EIF5A2: variants seen among roughly 807,000 people sequenced by gnomAD.
The protein encoded by EIF5A2 is eukaryotic translation initiation factor 5A2, also known as eukaryotic translation initiation factor 5A-2.
EIF5A2 carries 15 observed loss-of-function variants against 16.4 expected under a neutral mutation model. That is an observed-to-expected ratio of 0.92 (90% CI 0.61 to 1.41). The LOEUF (loss-of-function observed/expected upper bound fraction) is 1.41, where lower values mean the gene tolerates loss of function less well. EIF5A2 is among the 40% of genes most tolerant of loss of function. The pLI is 0.00. For synonymous variants in EIF5A2, 48 were observed against 61.1 expected (o/e 0.79, Z 1.00); for missense variants, 144 against 189.5 (o/e 0.76, Z 1.41).
intron 3 of EIF5A2, among the ~76,000 whole-genome samples, chr3:170,898,544 T>G (rs913757266): frequency 1.3e-5 from 2 of 152,178 alleles, no homozygotes; most frequent in African/African-American, 4.8e-5. Context: ...AAACATGCCT[T>G]GCTTCCCTTT....
rs1243518278 is a variant in EIF5A2 at position 170,891,400 on chromosome 3, G to C, written c.*1960C>G. On this transcript the variant is annotated 3_prime_UTR_variant, in exon 5 of 5. Coordinates refer to ENST00000295822, the MANE Select transcript of EIF5A2 (RefSeq NM_020390.6). ...GCAAAAGCTAAAATGTTGTAGGAAA[G>C]ACGACTAACTACTACCTCACTATTT... is the stretch of plus-strand genomic sequence containing the variant. 1 of 152,616 alleles carries C rather than the reference G, an allele frequency of 6.6e-6. No homozygotes were observed. Among genetic ancestry groups the C allele is most frequent in the Non-Finnish European group, 1.5e-5 (1 of 68,016 alleles). The allele number at this position is 152,616 out of a possible 1,614,324, so 9.5% of individuals were successfully genotyped here.
chr3:170,901,729 A>G (rs897545846), intron 3 of EIF5A2, among the ~76,000 whole-genome samples: 2 of 152,138 alleles, frequency 1.3e-5, no homozygotes, highest in Non-Finnish European at 2.9e-5. Context: ...CGTGAGCCAC[A>G]GTGCCTGGAC....
chr3:170,907,402 T>C (rs1712965717), intron 2 of EIF5A2, among the ~76,000 whole-genome samples: 2 of 152,182 alleles, frequency 1.3e-5, no homozygotes, highest in Admixed American at 1.3e-4. Flanking sequence ...TAAATAGATC[T>C]TATAGGTCAC....
Position 170,893,015 on chromosome 3 carries a change from T to C in EIF5A2, c.*345A>G, listed in dbSNP as rs917098548. On this transcript the variant is annotated 3_prime_UTR_variant, in exon 5 of 5. Transcript: ENST00000295822. Reference sequence around the variant, plus strand: ...TACTTCAATACCACTTTATGCTACATTGTTTGATTTAAAACCCTGGTTTAT... The same window carrying C: ...TACTTCAATACCACTTTATGCTACACTGTTTGATTTAAAACCCTGGTTTAT... 4 of 421,456 alleles carry C rather than the reference T, an allele frequency of 9.5e-6. No homozygotes were observed. The highest frequency in any genetic ancestry group is 9.6e-5 in the South Asian group (1 of 10,438). 26.1% of individuals were successfully genotyped at this position (421,456 alleles called of 1,614,324 possible). A position where few individuals can be genotyped will look rare whatever the true frequency, so the allele number is the denominator to read the frequency against.
At chr3:170,907,572 A>G in intron 2 of EIF5A2, 70 bp downstream of exon 2, 1 of 1,425,384 alleles carries the variant, frequency 7.0e-7, no homozygotes, top group Non-Finnish European at 9.3e-7. Flanking sequence ...AAATCTCATG[A>G]TCTGTAACGG....
chr3:170,899,314 C>T (rs1712749649), intron 3 of EIF5A2, among the ~76,000 whole-genome samples: 1 of 152,160 alleles, frequency 6.6e-6, no homozygotes, highest in South Asian at 2.1e-4. Context: ...ACTGCAGCCT[C>T]AACCTCCAGG....
intron 3 of EIF5A2, among the ~76,000 whole-genome samples, 189 bp from the exon 4 acceptor site, chr3:170,894,612 C>T (rs1036261446): frequency 1.3e-5 from 2 of 151,982 alleles, no homozygotes; most frequent in Non-Finnish European, 2.9e-5. Context: ...TAAGTTTACT[C>T]CTCCCGGTAC....
rs769739793 is a variant in EIF5A2 at position 170,892,558 on chromosome 3, G to A, written c.*802C>T. The A allele has an allele frequency of 1.0e-5, 4 of 390,762 alleles. No individual in the cohort carries two copies. The highest frequency in any genetic ancestry group is 1.8e-5 in the Non-Finnish European group (4 of 221,762). The allele number at this position is 390,762 out of a possible 1,614,324, so 24.2% of individuals were successfully genotyped here. ...AGCAGATCACTCCCTTTAAACGTTG[G>A]GGGCAAAGTTAAAAGCAAAAACAAC... On this transcript the variant is annotated 3_prime_UTR_variant, in exon 5 of 5. Transcript: ENST00000295822.
rs1279655087 is a variant in EIF5A2 at position 170,888,774 on chromosome 3, AG to A, written c.*4585del. On this transcript the variant is annotated 3_prime_UTR_variant, in exon 5 of 5. Coordinates refer to ENST00000295822, the MANE Select transcript of EIF5A2 (RefSeq NM_020390.6). Reference sequence around the variant, plus strand: ...GGGGAGGAAGACAAAAGTACATAACAGTATAGAACTAGTCATTTTCATTATA... The same window carrying A: ...GGGGAGGAAGACAAAAGTACATAACATATAGAACTAGTCATTTTCATTATA... 1 of 152,562 alleles carries A rather than the reference AG, an allele frequency of 6.6e-6. No individual in the cohort carries two copies. The highest frequency in any genetic ancestry group is 1.5e-5 in the Non-Finnish European group (1 of 68,002). 9.5% of individuals were successfully genotyped at this position (152,562 alleles called of 1,614,324 possible).
intron 3 of EIF5A2, among the ~76,000 whole-genome samples, chr3:170,899,657 C>G (rs1181499619): frequency 6.6e-6 from 1 of 151,768 alleles, no homozygotes; most frequent in Non-Finnish European, 1.5e-5. Flanking sequence ...CTTTGATATG[C>G]TGACTAAGGT....
chr3:170,897,382 A>G (rs377755329), intron 3 of EIF5A2, among the ~76,000 whole-genome samples: 160 of 152,262 alleles, frequency 1.1e-3, no homozygotes, highest in African/African-American at 3.8e-3. Flanking sequence ...TCCCCTCCCA[A>G]CACAGGTCCA....
Position 170,907,015 on chromosome 3 carries a change from G to A in EIF5A2, c.244C>T (p.Pro82Ser). The change falls in exon 3 of 5, where the codon CCA (proline) becomes TCA (serine). Residue 82 changes from proline to serine, a missense_variant. Physicochemically the swap from Pro to Ser is moderately conservative, Grantham distance 74. Transcript: ENST00000295822. The stretch of plus-strand genomic sequence containing the variant: ...TGATAATCATTTCTCTTAATATTTG[G>A]AACATCCATGTTGTGAGTAGAAGGA... ...ICPSTHNMDV[P>S]NIKRNDYQLI... 1 of 1,607,606 alleles carries A rather than the reference G, an allele frequency of 6.2e-7. No homozygotes were observed. The highest frequency in any genetic ancestry group is 8.5e-7 in the Non-Finnish European group (1 of 1,176,634).
In EIF5A2 at chr3:170,894,279, T is replaced by C. The variant is rs201353886; in HGVS notation, c.402+13A>G. On this transcript the variant is annotated intron_variant, in intron 4 of 4. Transcript: ENST00000295822. ...AAATGGTTTTCAAAAATAATCCTTC[T>C]CTAAGTCTTTACCTGTACATCTTCA... 1.2e-6 allele frequency: 2 copies of C among 1,610,878 alleles called. No individual in the cohort carries two copies. The highest frequency in any genetic ancestry group is 1.3e-5 in the African/African-American group (1 of 74,978).
chr3:170,888,526 G>A lies in EIF5A2; in HGVS notation c.*4834C>T, dbSNP rs955388247. The A allele has an allele frequency of 6.6e-6, 1 of 152,276 alleles. No homozygotes were observed. Among genetic ancestry groups the A allele is most frequent in the African/African-American group, 2.4e-5 (1 of 41,358 alleles). 9.4% of individuals were successfully genotyped at this position (152,276 alleles called of 1,614,324 possible). A position where few individuals can be genotyped will look rare whatever the true frequency, so the allele number is the denominator to read the frequency against. On this transcript the variant is annotated 3_prime_UTR_variant, in exon 5 of 5. Coordinates refer to ENST00000295822, the MANE Select transcript of EIF5A2 (RefSeq NM_020390.6). ...TGTTAAGGTATTATCTATATTTAAA[G>A]GTTTTTTAAGTCAAAGACTTAACAT...
intron 3 of EIF5A2, among the ~76,000 whole-genome samples, chr3:170,895,843 A>T (rs954528000): frequency 9.2e-5 from 14 of 152,292 alleles, no homozygotes; most frequent in Middle Eastern, 3.4e-3. Flanking sequence ...CTTTTTAAAA[A>T]ATATATATAT....
At chr3:170,901,561 T>G (rs986438580) in intron 3 of EIF5A2, among the ~76,000 whole-genome samples, 32 of 147,278 alleles carry the variant, frequency 2.2e-4, no homozygotes, top group Middle Eastern at 3.6e-3. Flanking sequence ...ACAGGTGCCT[T>G]CTTTTTTTTT....
chr3:170,902,398 CTTTTT>C (rs36044967), intron 3 of EIF5A2, among the ~76,000 whole-genome samples: 2 of 91,376 alleles, frequency 2.2e-5, no homozygotes, highest in Non-Finnish European at 4.0e-5. Context: ...GCCATTCAGC[CTTTTT>C]TTTTTTTTTT....
In EIF5A2 at chr3:170,894,292, C is replaced by T. The variant is rs755517036; in HGVS notation, c.402G>A (p.Gln134=). 1 of 1,612,684 alleles carries T rather than the reference C, an allele frequency of 6.2e-7. No homozygotes were observed. The highest frequency in any genetic ancestry group is 8.5e-7 in the Non-Finnish European group (1 of 1,179,260). ...EGKYNAGEDV[Q]VSVMCAMSEE... Reference sequence around the variant, plus strand: ...AAATAATCCTTCTCTAAGTCTTTACCTGTACATCTTCACCTGCATTGTATT... The same window carrying T: ...AAATAATCCTTCTCTAAGTCTTTACTTGTACATCTTCACCTGCATTGTATT... The change falls in exon 4 of 5, where the codon CAG becomes CAA. Residue 134 remains glutamine, a splice_region_variant and synonymous_variant. Transcript: ENST00000295822.
intron 4 of EIF5A2, 79 bp downstream of exon 4, chr3:170,894,213 G>T: frequency 1.4e-6 from 2 of 1,458,134 alleles, no homozygotes; most frequent in Non-Finnish European, 1.9e-6. Context: ...CATTCCATAT[G>T]TAGTATTTTA....
Sources: gnomAD v4.1 joint callset for allele counts (sites outside exome capture counted in the v4.1 genomes callset) on GRCh38, gnomAD v4.1.1 for gene constraint, MANE v1.5 for transcripts, NCBI Gene and HGNC (gene_info 2026-07-23, HGNC 2026-07-21) for gene names.